Variants in ART3 observed in about 807,000 individuals in gnomAD.
The protein encoded by ART3 is ADP-ribosyltransferase 3 (inactive), also known as ecto-ADP-ribosyltransferase 3.
In ART3, 49 loss-of-function variants were observed where a neutral mutation model predicts 48.5. The ratio of observed to expected loss-of-function variants is 1.01; its 90% CI spans 0.80 to 1.28. The LOEUF (loss-of-function observed/expected upper bound fraction) is 1.28, where lower values mean the gene tolerates loss of function less well. Ranked by LOEUF, ART3 falls within the 50% of genes most tolerant of loss-of-function variation. The pLI is 0.00. For synonymous variants in ART3, 145 were observed against 157.2 expected, an observed-to-expected ratio of 0.92 and a Z score of 0.58; for missense variants, 438 against 454.3, an observed-to-expected ratio of 0.96 and a Z score of 0.33.
chr4:76,107,765 TA>T lies in ART3; in HGVS notation c.1012del (p.Ser338ValfsTer40). On this transcript the variant is annotated frameshift_variant, in exon 11 of 12. Coordinates refer to ENST00000355810, the MANE Select transcript of ART3 (RefSeq NM_001130016.3). LOFTEE classifies it low-confidence loss of function (END_TRUNC). The part of the protein sequence containing the change: ...IPEPFPLPED[K>X]SQGNINNPTP... ...CAAAATCTCTTTATATTTTAGAAGA[TA>T]AAAGTCAAGGAAATATCAACAATCC... 6.9e-7 allele frequency: 1 copy of T among 1,454,650 alleles called. No individual in the cohort carries two copies. The highest frequency in any genetic ancestry group is 9.4e-7 in the Non-Finnish European group (1 of 1,066,548). The allele number at this position is 1,454,650 out of a possible 1,614,324, so 90.1% of individuals were successfully genotyped here.
upstream of ART3, among the ~76,000 whole-genome samples, chr4:76,071,953 G>A (rs1720358960): frequency 6.6e-6 from 1 of 152,028 alleles, no homozygotes; most frequent in African/African-American, 2.4e-5. Context: ...GTCTTACTCT[G>A]TTGACCAGGC....
At chr4:76,063,627 A>G (rs369175765) in intron 1 of ART3, among the ~76,000 whole-genome samples, 13 of 152,300 alleles carry the variant, frequency 8.5e-5, no homozygotes, top group African/African-American at 2.4e-4. Context: ...CTTTGATGAG[A>G]ATTTCCCAAT....
chr4:76,081,603 C>G (rs1221975638), intron 2 of ART3, among the ~76,000 whole-genome samples: 1 of 152,160 alleles, frequency 6.6e-6, no homozygotes, highest in Non-Finnish European at 1.5e-5. Flanking sequence ...ACCCATACCT[C>G]TCACCCACTG....
intron 1 of ART3, among the ~76,000 whole-genome samples, chr4:76,032,020 CAG>C (rs1733911956): frequency 6.6e-6 from 1 of 152,020 alleles, no homozygotes; most frequent in African/African-American, 2.4e-5. Flanking sequence ...AAGAAATGGG[CAG>C]AGAGAATAGT....
At chr4:76,073,600 T>C (rs934891341), upstream of ART3, among the ~76,000 whole-genome samples, 5 of 152,198 alleles carry the variant, frequency 3.3e-5, no homozygotes, top group African/African-American at 1.2e-4. Context: ...CATAAGTATA[T>C]AGCTCACTGA....
intron 1 of ART3, among the ~76,000 whole-genome samples, chr4:76,063,560 G>T (rs4484324): frequency 6.6e-6 from 1 of 151,894 alleles, no homozygotes; most frequent in African/African-American, 2.4e-5. Flanking sequence ...GAATTTTGTT[G>T]AAAAAATTAG....
intron 3 of ART3, among the ~76,000 whole-genome samples, chr4:76,084,502 A>C (rs190728216): frequency 1.7e-3 from 257 of 152,376 alleles, no homozygotes; most frequent in South Asian, 6.2e-3. Context: ...GTTGAAAGGT[A>C]TGAAGCCATT....
intron 1 of ART3, among the ~76,000 whole-genome samples, chr4:76,039,860 G>A (rs1734778799): frequency 6.6e-6 from 1 of 152,186 alleles, no homozygotes; most frequent in African/African-American, 2.4e-5. Flanking sequence ...TTGCCTTCAT[G>A]TGTGAATTAC....
At chr4:76,076,007 T>A in intron 2 of ART3, 49 bp downstream of exon 2, 1 of 1,473,082 alleles carries the variant, frequency 6.8e-7, no homozygotes, top group South Asian at 1.2e-5. Flanking sequence ...GAAATTCGTT[T>A]TTTTTTTTTT....
chr4:76,072,907 G>T (rs1247042743), upstream of ART3, among the ~76,000 whole-genome samples: 1 of 152,116 alleles, frequency 6.6e-6, no homozygotes, highest in Non-Finnish European at 1.5e-5. Context: ...TCTCTTTCAA[G>T]TCTTTGCTCA....
At chr4:76,065,921 C>T (rs1719693317) in intron 1 of ART3, among the ~76,000 whole-genome samples, 1 of 151,832 alleles carries the variant, frequency 6.6e-6, no homozygotes, top group South Asian at 2.1e-4. Context: ...CCTTAGTAGT[C>T]TGAAGGAAGG....
At chr4:76,023,380 C>T (rs1197109194) in intron 1 of ART3, 2 of 1,612,940 alleles carry the variant, frequency 1.2e-6, no homozygotes, top group African/African-American at 1.3e-5. Context: ...CCTTGAATGC[C>T]ACTTAGAGTC....
At chr4:76,104,049 T>C in intron 9 of ART3, 80 bp downstream of exon 9, 1 of 1,403,146 alleles carries the variant, frequency 7.1e-7, no homozygotes, top group East Asian at 2.3e-5. Flanking sequence ...AATACTGTCA[T>C]GAGACTATTA....
chr4:76,052,658 A>C (rs1390015788), intron 1 of ART3, among the ~76,000 whole-genome samples: 1 of 151,272 alleles, frequency 6.6e-6, no homozygotes, highest in Non-Finnish European at 1.5e-5. Flanking sequence ...CTATGTGTAC[A>C]CATTATTTAG....
intron 1 of ART3, among the ~76,000 whole-genome samples, chr4:76,042,098 T>G (rs7684879): frequency 0.11 from 17,491 of 152,234 alleles, 1,236 homozygotes; most frequent in African/African-American, 0.19. Context: ...TGGAATCTAG[T>G]TTCCATAAGT....
intron 1 of ART3, among the ~76,000 whole-genome samples, chr4:76,057,253 G>A (rs1473242008): frequency 6.6e-6 from 1 of 152,176 alleles, no homozygotes; most frequent in African/African-American, 2.4e-5. Flanking sequence ...GGAGACTTAA[G>A]AGAAATAACT....
upstream of ART3, among the ~76,000 whole-genome samples, chr4:76,071,490 T>C (rs1396943003): frequency 2.0e-5 from 3 of 152,212 alleles, no homozygotes; most frequent in Non-Finnish European, 2.9e-5. Flanking sequence ...GTTGAAGATA[T>C]TAACCATCTC....
intron 2 of ART3, among the ~76,000 whole-genome samples, chr4:76,077,668 CA>C: frequency 6.6e-6 from 1 of 152,226 alleles, no homozygotes; most frequent in Non-Finnish European, 1.5e-5. Flanking sequence ...TGATTCATAG[CA>C]AAATTACCTA....
Position 76,100,324 on chromosome 4 carries a change from A to G in ART3, c.877+4A>G. The stretch of plus-strand genomic sequence containing the variant: ...AACCAGAAGCTTGAAGACCATAGTA[A>G]GACATTTTTATAAATTCTGGGGGCT... On this transcript the variant is annotated splice_donor_region_variant and intron_variant, in intron 6 of 11. Transcript: ENST00000355810. 6.2e-7 allele frequency: 1 copy of G among 1,612,612 alleles called. No homozygotes were observed. Among genetic ancestry groups the G allele is most frequent in the Non-Finnish European group, 8.5e-7 (1 of 1,179,090 alleles).
Sources: gnomAD v4.1 joint callset for allele counts (sites outside exome capture counted in the v4.1 genomes callset) on GRCh38, gnomAD v4.1.1 for gene constraint, MANE v1.5 for transcripts, NCBI Gene and HGNC (gene_info 2026-07-23, HGNC 2026-07-21) for gene names.